Variants in SVIL observed in about 807,000 individuals in gnomAD.
SVIL encodes supervillin.
Under a neutral mutation model 240.4 loss-of-function variants are expected in SVIL, and 101 were observed. The observed-to-expected ratio is 0.42, with a 90% CI of 0.36 to 0.50. The LOEUF is 0.50. SVIL is among the 20% of genes least tolerant of loss of function. The pLI, the probability that SVIL is intolerant of heterozygous loss-of-function variation, is 0.01. For missense variants in SVIL, 2,512 were observed against 2,818.7 expected, an observed-to-expected ratio of 0.89 and a Z score of 2.46; for synonymous variants, 999 against 1,100.0, an observed-to-expected ratio of 0.91 and a Z score of 1.82.
At chr10:29,545,547 G>A (rs188214156) in intron 6 of SVIL, among the ~76,000 whole-genome samples, 3 of 152,224 alleles carry the variant, frequency 2.0e-5, no homozygotes, top group African/African-American at 7.2e-5. Context: ...TTTCTAGAGT[G>A]GATCACCACT....
intron 1 of SVIL, among the ~76,000 whole-genome samples, chr10:29,579,119 A>T (rs1223775459): frequency 6.6e-6 from 1 of 152,164 alleles, no homozygotes; most frequent in Non-Finnish European, 1.5e-5. Context: ...ATCTAACAGG[A>T]TTTCTGAGCT....
intron 1 of SVIL, among the ~76,000 whole-genome samples, chr10:29,615,619 T>A (rs1170207960): frequency 6.6e-6 from 1 of 152,270 alleles, no homozygotes; most frequent in Non-Finnish European, 1.5e-5. Flanking sequence ...GCTTGACAGA[T>A]GAAGAAATCA....
upstream of SVIL, among the ~76,000 whole-genome samples, chr10:29,639,453 G>C (rs993454611): frequency 6.7e-6 from 1 of 148,170 alleles, no homozygotes; most frequent in African/African-American, 2.5e-5. Flanking sequence ...ACAGGCATGA[G>C]CCACTGCGCC....
intron 1 of SVIL, among the ~76,000 whole-genome samples, chr10:29,571,048 G>A (rs1369046635): frequency 6.6e-6 from 1 of 152,136 alleles, no homozygotes; most frequent in East Asian, 1.9e-4. Flanking sequence ...CAGACGGCTC[G>A]GTCACACAGC....
Position 29,536,004 on chromosome 10 carries a change from A to G in SVIL, c.893T>C (p.Ile298Thr). The G allele has an allele frequency of 6.2e-7, 1 of 1,614,212 alleles. No individual in the cohort carries two copies. The highest frequency in any genetic ancestry group is 8.5e-7 in the Non-Finnish European group (1 of 1,180,038). ...KDSEGDTPSL[I>T]NWPSRVKVRE... is the part of the protein sequence containing the mutation. ...GTGCGGGTACCTGGAAGGCCAGTTG[A>G]TAAGTGAAGGTGTGTCCCCTTCGGA... Residue 298 changes from isoleucine to threonine, a missense_variant, in exon 7 of 38, where the codon ATC becomes ACC. Transcript: ENST00000355867.
intron 6 of SVIL, among the ~76,000 whole-genome samples, chr10:29,545,398 C>T (rs1053983670): frequency 6.6e-6 from 1 of 152,138 alleles, no homozygotes; most frequent in Non-Finnish European, 1.5e-5. Flanking sequence ...GCAACTCTCC[C>T]AGGGGTCCAA....
chr10:29,584,440 G>A (rs1436611418), intron 1 of SVIL, among the ~76,000 whole-genome samples: 8 of 152,188 alleles, frequency 5.3e-5, no homozygotes, highest in Non-Finnish European at 5.9e-5. Context: ...CATGCACAGG[G>A]GGTCTGGACT....
intron 31 of SVIL, 149 bp downstream of exon 31, chr10:29,470,989 G>T: frequency 1.4e-6 from 1 of 734,022 alleles, no homozygotes; most frequent in Non-Finnish European, 2.4e-6. Flanking sequence ...AGCACCCATA[G>T]AGCTGAGTTA....
At chr10:29,528,589 A>G (rs1301979273) in intron 12 of SVIL, among the ~76,000 whole-genome samples, 1 of 151,876 alleles carries the variant, frequency 6.6e-6, no homozygotes, top group Non-Finnish European at 1.5e-5. Flanking sequence ...AAATACAAAA[A>G]TTAGCCAGGT....
intron 1 of SVIL, among the ~76,000 whole-genome samples, chr10:29,691,744 A>AC (rs1961525030): frequency 6.6e-6 from 1 of 152,078 alleles, no homozygotes; most frequent in South Asian, 2.1e-4. Context: ...AGGACAACAA[A>AC]CCCCCCATCT....
chr10:29,491,244 T>A (rs1564508058), intron 21 of SVIL, among the ~76,000 whole-genome samples: 2 of 152,120 alleles, frequency 1.3e-5, no homozygotes. Flanking sequence ...CCCCACTCAC[T>A]CATGCCCCTT....
At chr10:29,646,145 G>A (rs1194592289) in intron 3 of SVIL, among the ~76,000 whole-genome samples, 4 of 152,260 alleles carry the variant, frequency 2.6e-5, no homozygotes, top group South Asian at 2.1e-4. Context: ...CAAATAATGC[G>A]TATGCTCCAG....
intron 1 of SVIL, among the ~76,000 whole-genome samples, chr10:29,733,377 T>G (rs1334808200): frequency 6.6e-6 from 1 of 152,108 alleles, no homozygotes; most frequent in Non-Finnish European, 1.5e-5. Context: ...CAGGCTGGAG[T>G]GCAGTGATGC....
chr10:29,602,255 A>C (rs1190842646), intron 1 of SVIL: 1 of 532,894 alleles, frequency 1.9e-6, no homozygotes, highest in Non-Finnish European at 3.9e-6. Context: ...TGGTACTTTA[A>C]GTGTTCATGA....
chr10:29,620,762 G>A (rs1242551430), intron 1 of SVIL, among the ~76,000 whole-genome samples: 2 of 152,002 alleles, frequency 1.3e-5, no homozygotes, highest in East Asian at 3.9e-4. Context: ...GGGACTACAG[G>A]CGCCCACTAC....
At chr10:29,554,961 GT>G in intron 4 of SVIL, 27 bp from the exon 5 acceptor site, 1 of 1,608,984 alleles carries the variant, frequency 6.2e-7, no homozygotes, top group East Asian at 2.2e-5. Flanking sequence ...AAGAGGCAGA[GT>G]GAGCAACAGC....
intron 1 of SVIL, among the ~76,000 whole-genome samples, chr10:29,580,634 G>A (rs1955901592): frequency 1.3e-5 from 2 of 152,124 alleles, no homozygotes; most frequent in Non-Finnish European, 2.9e-5. Flanking sequence ...AAAATGAGCT[G>A]GAATGAATGA....
At chr10:29,506,992 C>A (rs904936478) in intron 17 of SVIL, among the ~76,000 whole-genome samples, 4 of 152,264 alleles carry the variant, frequency 2.6e-5, no homozygotes, top group Admixed American at 6.5e-5. Context: ...AAGAAACCAG[C>A]CATTCCTATT....
intron 18 of SVIL, among the ~76,000 whole-genome samples, chr10:29,497,595 C>T (rs1948544367): frequency 6.6e-6 from 1 of 152,170 alleles, no homozygotes; most frequent in African/African-American, 2.4e-5. Context: ...CATCCCACTG[C>T]CTAGGAACTG....
Sources: allele counts gnomAD v4.1 joint callset (sites outside exome capture counted in the v4.1 genomes callset), GRCh38; gene constraint gnomAD v4.1.1; transcripts MANE v1.5; gene names NCBI Gene and HGNC (gene_info 2026-07-23, HGNC 2026-07-21).